ACO1: variants seen among roughly 807,000 people sequenced by gnomAD.
ACO1 encodes the protein aconitase 1, also known as cytoplasmic aconitate hydratase.
ACO1 carries 78 observed loss-of-function variants against 105.1 expected under a neutral mutation model. The ratio of observed to expected loss-of-function variants is 0.74; its 90% CI spans 0.62 to 0.90. The LOEUF (loss-of-function observed/expected upper bound fraction) is 0.90, where lower values mean the gene tolerates loss of function less well. Ranked by LOEUF, ACO1 falls within the 40% of genes least tolerant of loss-of-function variation. The probability of loss-of-function intolerance (pLI) is 0.00; values close to 1 mark genes in which losing one functional copy is unlikely to be tolerated. For missense variants in ACO1, 965 were observed against 1,111.1 expected, an observed-to-expected ratio of 0.87 and a Z score of 1.87; for synonymous variants, 364 against 397.4, an observed-to-expected ratio of 0.92 and a Z score of 1.00.
At chr9:32,396,873 C>T (rs1414107112) in intron 1 of ACO1, among the ~76,000 whole-genome samples, 1 of 152,034 alleles carries the variant, frequency 6.6e-6, no homozygotes, top group East Asian at 1.9e-4. Context: ...ATTTTTTCCA[C>T]TTAGAAAGGA....
intron 18 of ACO1, 76 bp downstream of exon 18, chr9:32,436,473 C>A: frequency 1.3e-6 from 2 of 1,565,294 alleles, no homozygotes; most frequent in South Asian, 1.1e-5. Flanking sequence ...TACAGTTACT[C>A]GCCTTTTGGT....
chr9:32,432,188 C>T (rs1822254085), intron 15 of ACO1, among the ~76,000 whole-genome samples: 2 of 152,074 alleles, frequency 1.3e-5, no homozygotes, highest in South Asian at 4.2e-4. Context: ...TATTGTGTCA[C>T]TAAGTGGAGT....
At chr9:32,403,750 A>G (rs919830454) in intron 1 of ACO1, among the ~76,000 whole-genome samples, 1 of 152,180 alleles carries the variant, frequency 6.6e-6, no homozygotes, top group East Asian at 1.9e-4. Context: ...GGCCATTGAA[A>G]GAGGTGAATG....
rs763742544 is a variant in ACO1 at position 32,425,908 on chromosome 9, C to T, written c.1259C>T (p.Thr420Ile). The T allele has an allele frequency of 1.5e-5, 24 of 1,613,890 alleles. No individual in the cohort carries two copies. The highest frequency in any genetic ancestry group is 1.9e-5 in the Non-Finnish European group (23 of 1,179,844). Reference sequence around the variant, plus strand: ...CATAAGACCTTTATCTATGATAACACTGAATTCACCCTTGCTCATGGTTCT... The same window carrying T: ...CATAAGACCTTTATCTATGATAACATTGAATTCACCCTTGCTCATGGTTCT... The part of the protein sequence containing the change: ...NDHKTFIYDN[T>I]EFTLAHGSVV... Residue 420 changes from threonine (T) to isoleucine (I), a missense_variant, in exon 11 of 21, where the codon ACT (threonine) becomes ATT (isoleucine). Transcript: ENST00000309951.
chr9:32,419,914 A>T (rs538382872), intron 7 of ACO1, among the ~76,000 whole-genome samples: 100 of 152,302 alleles, frequency 6.6e-4, no homozygotes, highest in African/African-American at 2.3e-3. Context: ...TTGCTTTTAT[A>T]GTTTGGAGGC....
At chr9:32,427,516 G>A (rs549726100) in intron 12 of ACO1, 80 bp downstream of exon 12, 1 of 1,560,434 alleles carries the variant, frequency 6.4e-7, no homozygotes, top group Non-Finnish European at 8.8e-7. Context: ...CCTTGTAACA[G>A]ATGTGAGATT....
intron 2 of ACO1, among the ~76,000 whole-genome samples, chr9:32,406,477 G>T (rs1441807847): frequency 6.6e-6 from 1 of 152,100 alleles, no homozygotes; most frequent in Non-Finnish European, 1.5e-5. Context: ...AAAAAAATTA[G>T]CTGGGTGTGG....
chr9:32,417,130 G>T (rs974205791), intron 4 of ACO1, among the ~76,000 whole-genome samples: 1 of 152,100 alleles, frequency 6.6e-6, no homozygotes. Context: ...TAGTGTCTGT[G>T]GTCCTGAGCA....
At position 32,431,785 on chromosome 9, in the gene ACO1, C is replaced by T; in HGVS notation, c.1793C>T (p.Ala598Val). 3 of 1,614,066 alleles carry T rather than the reference C, an allele frequency of 1.9e-6. No individual in the cohort carries two copies. In the African/African-American group the frequency reaches 4.0e-5, roughly 22 times the overall value. ...TGGCCGACTAGAGACGAGATCCAGG[C>T]AGTGGAGCGTCAGTATGTCATCCCG... Reference protein sequence around the residue: ...DIWPTRDEIQAVERQYVIPGM... With the variant: ...DIWPTRDEIQVVERQYVIPGM... The change falls in exon 15 of 21, where the codon GCA becomes GTA. Residue 598 changes from alanine (A) to valine (V), a missense_variant. Ala to Val is a moderately conservative substitution (Grantham distance 64). Transcript: ENST00000309951.
chr9:32,443,987 C>T (rs1401040163), intron 19 of ACO1, among the ~76,000 whole-genome samples: 1 of 152,156 alleles, frequency 6.6e-6, no homozygotes, highest in African/African-American at 2.4e-5. Flanking sequence ...GACCCGCCAA[C>T]AGGCCCCAGT....
intron 1 of ACO1, among the ~76,000 whole-genome samples, chr9:32,401,559 T>A (rs1370585743): frequency 2.0e-5 from 3 of 152,128 alleles, no homozygotes; most frequent in African/African-American, 7.2e-5. Context: ...AAGGTCAAGG[T>A]GTCCCTAGGG....
At chr9:32,405,162 C>A (rs569522126) in intron 1 of ACO1, among the ~76,000 whole-genome samples, 40 of 152,340 alleles carry the variant, frequency 2.6e-4, no homozygotes, top group African/African-American at 9.6e-4. Context: ...GTCTCCTCTT[C>A]AGTGTCTTGC....
At chr9:32,447,060 T>C (rs1229433483) in intron 19 of ACO1, among the ~76,000 whole-genome samples, 1 of 151,882 alleles carries the variant, frequency 6.6e-6, no homozygotes, top group African/African-American at 2.4e-5. Flanking sequence ...TTATGGGTCT[T>C]GTTGAGTATC....
intron 1 of ACO1, among the ~76,000 whole-genome samples, chr9:32,399,933 G>A (rs1821452582): frequency 6.9e-6 from 1 of 145,666 alleles, no homozygotes; most frequent in South Asian, 2.2e-4. Context: ...TTGCTACAGT[G>A]AGCATCTATT....
Position 32,408,516 on chromosome 9 carries a change from G to T in ACO1, c.269G>T (p.Gly90Val). The change falls in exon 4 of 21, where the codon GGT becomes GTT. Residue 90 changes from glycine (G) to valine (V), a missense_variant and splice_region_variant. By Grantham distance (109) the Gly-to-Val change is moderately radical (BLOSUM62 -3). Transcript: ENST00000309951. ...PARVILQDFT[G>V]VPAVVDFAAM... ...CATTATTCTCTTTCTTCTCTTAGGG[G>T]TGTGCCCGCTGTGGTTGACTTTGCT... The T allele has an allele frequency of 6.2e-7, 1 of 1,614,038 alleles. No individual in the cohort carries two copies. Among genetic ancestry groups the T allele is most frequent in the Non-Finnish European group, 8.5e-7 (1 of 1,179,986 alleles).
At chr9:32,391,370 C>T (rs1179825342) in intron 1 of ACO1, among the ~76,000 whole-genome samples, 1 of 152,234 alleles carries the variant, frequency 6.6e-6, no homozygotes, top group Non-Finnish European at 1.5e-5. Flanking sequence ...CTAAGCATGT[C>T]TTTGGGAGAC....
intron 18 of ACO1, among the ~76,000 whole-genome samples, chr9:32,438,663 C>G (rs1218672524): frequency 2.0e-5 from 3 of 151,980 alleles, no homozygotes; most frequent in Non-Finnish European, 4.4e-5. Flanking sequence ...TCATTCAAAA[C>G]AAATGAAAAT....
chr9:32,448,274 TTGCTGAGC>T (rs1229959781), intron 19 of ACO1, among the ~76,000 whole-genome samples: 1 of 150,996 alleles, frequency 6.6e-6, no homozygotes, highest in Non-Finnish European at 1.5e-5. Flanking sequence ...GCAGTAGGCC[TTGCTGAGC>T]TGCGGTGGGC....
chr9:32,437,216 C>G (rs2118542974), intron 18 of ACO1, among the ~76,000 whole-genome samples: 1 of 152,272 alleles, frequency 6.6e-6, no homozygotes, highest in South Asian at 2.1e-4. Context: ...ATAACAACCC[C>G]TTGAGGTAGG....
Sources: gnomAD v4.1 joint callset for allele counts (sites outside exome capture counted in the v4.1 genomes callset) on GRCh38, gnomAD v4.1.1 for gene constraint, MANE v1.5 for transcripts, NCBI Gene and HGNC (gene_info 2026-07-23, HGNC 2026-07-21) for gene names.